Variants in COL4A6 observed in about 807,000 individuals in gnomAD.
COL4A6 encodes the protein collagen alpha-6(IV) chain.
A neutral mutation model predicts 126.7 loss-of-function variants in COL4A6; 59 were observed. That is an observed-to-expected ratio of 0.47 (90% CI 0.38 to 0.58). COL4A6 has a LOEUF of 0.58. Among genes scored for constraint, COL4A6 ranks in the 20% least tolerant of loss-of-function variants. COL4A6 has a pLI of 0.00. For missense variants in COL4A6, 1,285 were observed against 1,337.3 expected (o/e 0.96, Z 0.61); for synonymous variants, 547 against 496.6 (o/e 1.10, Z -1.35).
At chrX:108,428,559 A>C (rs1394934835) in intron 2 of COL4A6, among the ~76,000 whole-genome samples, 1 of 111,267 alleles carries the variant, frequency 9.0e-6, no homozygotes, top group Non-Finnish European at 1.9e-5. Context: ...GGGTCAGAAA[A>C]AAATAATTAT....
intron 2 of COL4A6, among the ~76,000 whole-genome samples, chrX:108,337,984 G>C (rs1175227047): frequency 9.0e-6 from 1 of 110,967 alleles, no homozygotes; most frequent in East Asian, 2.8e-4. Flanking sequence ...TCACGATACT[G>C]TAATTATGAC....
chrX:108,213,850 C>T (rs2035780350), intron 6 of COL4A6: 5 of 318,843 alleles, frequency 1.6e-5, no homozygotes, highest in Non-Finnish European at 2.7e-5. Context: ...TTACTACAGC[C>T]TTTTAACAAT....
intron 23 of COL4A6, among the ~76,000 whole-genome samples, chrX:108,184,902 G>A (rs1316829285): frequency 8.9e-6 from 1 of 112,359 alleles, no homozygotes; most frequent in Non-Finnish European, 1.9e-5. Flanking sequence ...AGACTTGGAA[G>A]TGTGTAAGTT....
At chrX:108,193,923 G>C (rs1167404300) in intron 16 of COL4A6, among the ~76,000 whole-genome samples, 3 of 112,627 alleles carry the variant, frequency 2.7e-5, no homozygotes, top group Non-Finnish European at 5.6e-5. Flanking sequence ...ACCTGTCAAG[G>C]ACAAGGGATC....
rs1219550771 is a variant in COL4A6 at position 108,433,532 on chromosome X, CT to C, written c.63+4409del. ...TTCTTTCTTTTTCTTTTCTTTTTCT[CT>C]TTTTTTTTTTGACAAGGTCTAGCTC... On this transcript the variant is annotated intron_variant, in intron 2 of 44. Transcript: ENST00000334504. Among the ~76,000 whole-genome samples the C allele has an allele frequency of 5.2e-3, 541 of 104,136 alleles. 3 individuals are homozygous for C. Among genetic ancestry groups the C allele is most frequent in the African/African-American group, 0.017 (480 of 28,952 alleles). 90.4% of individuals were successfully genotyped at this position (104,136 alleles called of 115,157 possible). A position where few individuals can be genotyped will look rare whatever the true frequency, so the allele number is the denominator to read the frequency against.
At chrX:108,348,453 A>G (rs1191981526) in intron 2 of COL4A6, among the ~76,000 whole-genome samples, 1 of 111,962 alleles carries the variant, frequency 8.9e-6, no homozygotes, top group African/African-American at 3.2e-5. Context: ...GATTTTGGAA[A>G]AACGGATTTT....
In COL4A6 at chrX:108,165,033, G is replaced by A; in HGVS notation, c.3814C>T (p.Pro1272Ser). ...GGACCTGGGGGTCCAGCGGGGCCTG[G>A]GCGGCCTAGGGATAAGATCGGAAGA... ...RPGLDGERGR[P>S]GPAGPPGPPG... Residue 1272 changes from proline (P) to serine (S), a missense_variant, in exon 39 of 45, where the codon CCA (proline) becomes TCA (serine). Coordinates refer to ENST00000334504, the MANE Select transcript of COL4A6 (RefSeq NM_033641.4). The A allele has an allele frequency of 1.7e-6, 2 of 1,205,362 alleles. No homozygotes were observed. Among genetic ancestry groups the A allele is most frequent in the Non-Finnish European group, 2.2e-6 (2 of 893,489 alleles).
intron 23 of COL4A6, among the ~76,000 whole-genome samples, chrX:108,181,794 A>C (rs1327893954): frequency 8.9e-6 from 1 of 112,036 alleles, no homozygotes; most frequent in African/African-American, 3.2e-5. Context: ...CTGGTGAACA[A>C]ATTGTTTGCG....
chrX:108,156,759 C>A lies in COL4A6; in HGVS notation c.*241G>T. On this transcript the variant is annotated 3_prime_UTR_variant, in exon 45 of 45. Transcript: ENST00000334504. Reference sequence around the variant, plus strand: ...AGCCATGAATAGTCACACAATCATCCAAATCAAACAGTAGCACCAGCTTGA... The same window carrying A: ...AGCCATGAATAGTCACACAATCATCAAAATCAAACAGTAGCACCAGCTTGA... The A allele has an allele frequency of 2.4e-6, 1 of 411,958 alleles. No homozygotes were observed. 33.9% of individuals were successfully genotyped at this position (411,958 alleles called of 1,213,427 possible). A position where few individuals can be genotyped will look rare whatever the true frequency, so the allele number is the denominator to read the frequency against.
intron 2 of COL4A6, among the ~76,000 whole-genome samples, chrX:108,428,629 C>T (rs920862350): frequency 5.4e-5 from 6 of 110,412 alleles, no homozygotes; most frequent in African/African-American, 2.0e-4. Flanking sequence ...TCCTGTGACA[C>T]GAGTTTACCT....
chrX:108,326,336 T>A, intron 2 of COL4A6, among the ~76,000 whole-genome samples: 1 of 112,426 alleles, frequency 8.9e-6, no homozygotes, highest in East Asian at 2.8e-4. Context: ...TGACAAAAGA[T>A]GTGCAGTCGC....
chrX:108,408,597 C>T (rs1006029547), intron 2 of COL4A6, among the ~76,000 whole-genome samples: 2 of 111,754 alleles, frequency 1.8e-5, no homozygotes, highest in East Asian at 5.5e-4. Context: ...AATCTTAGTA[C>T]CTAGTTTCAT....
At chrX:108,286,648 T>C (rs1434104063) in intron 3 of COL4A6, among the ~76,000 whole-genome samples, 1 of 111,582 alleles carries the variant, frequency 9.0e-6, no homozygotes, top group Non-Finnish European at 1.9e-5. Flanking sequence ...CATAGTGCAC[T>C]GCAGCCCTGA....
chrX:108,381,679 A>G (rs2040560395), intron 2 of COL4A6, among the ~76,000 whole-genome samples: 1 of 111,625 alleles, frequency 9.0e-6, no homozygotes, highest in African/African-American at 3.3e-5. Flanking sequence ...TTAGAATAGT[A>G]CCTAGCACAT....
At chrX:108,424,561 A>C (rs1446322118) in intron 2 of COL4A6, among the ~76,000 whole-genome samples, 1 of 110,680 alleles carries the variant, frequency 9.0e-6, no homozygotes, top group Non-Finnish European at 1.9e-5. Context: ...ATCCATATTG[A>C]CCTCTCCCTT....
At chrX:108,346,143 G>C (rs751397550) in intron 2 of COL4A6, among the ~76,000 whole-genome samples, 36 of 111,660 alleles carry the variant, frequency 3.2e-4, no homozygotes, top group Non-Finnish European at 6.0e-4. Flanking sequence ...CTGGAGCCAT[G>C]TGGATACTGC....
At position 108,194,562 on chromosome X, in the gene COL4A6, G is replaced by C; in HGVS notation, c.974C>G (p.Pro325Arg). 8.3e-7 allele frequency: 1 copy of C among 1,210,682 alleles called. No homozygotes were observed. Among genetic ancestry groups the C allele is most frequent in the Non-Finnish European group, 1.1e-6 (1 of 894,973 alleles). ...AATTCCTTGGAATCCATTAAGCCCAGGAAATCCCAGGGTCCCTTTCTTGCC... is the reference window on the plus strand; with the variant it reads ...AATTCCTTGGAATCCATTAAGCCCACGAAATCCCAGGGTCCCTTTCTTGCC... ...QQGKKGTLGFPGLNGFQGIEG... is the reference protein window; with the variant it reads ...QQGKKGTLGFRGLNGFQGIEG... Residue 325 changes from proline (P) to arginine (R), a missense_variant, in exon 16 of 45, where the codon CCT (proline) becomes CGT (arginine). By Grantham distance (103) the Pro-to-Arg change is moderately radical (BLOSUM62 -2). Transcript: ENST00000334504.
At chrX:108,315,519 A>ATT (rs1256724978) in intron 2 of COL4A6, among the ~76,000 whole-genome samples, 429 of 112,299 alleles carry the variant, frequency 3.8e-3, no homozygotes, top group African/African-American at 0.014. Context: ...TTAAATGCTA[A>ATT]AAATATTTAG....
At chrX:108,358,741 A>T (rs893897149) in intron 2 of COL4A6, among the ~76,000 whole-genome samples, 7 of 111,857 alleles carry the variant, frequency 6.3e-5, no homozygotes, top group South Asian at 3.7e-4. Flanking sequence ...ATTGGTTATG[A>T]TATAACTGAA....
Sources: gnomAD v4.1 joint callset for allele counts (sites outside exome capture counted in the v4.1 genomes callset) on GRCh38, gnomAD v4.1.1 for gene constraint, MANE v1.5 for transcripts, NCBI Gene and HGNC (gene_info 2026-07-23, HGNC 2026-07-21) for gene names.